CCSER1: variants seen among roughly 807,000 people sequenced by gnomAD.
CCSER1 encodes coiled-coil serine rich protein 1.
A neutral mutation model predicts 82.0 loss-of-function variants in CCSER1; 41 were observed. The observed-to-expected ratio is 0.50, with a 90% confidence interval of 0.39 to 0.65. The LOEUF (loss-of-function observed/expected upper bound fraction) is 0.65. CCSER1 is among the 30% of genes least tolerant of loss of function. The pLI, the probability that CCSER1 is intolerant of heterozygous loss-of-function variation, is 0.00. For missense variants in CCSER1, 1,119 were observed against 1,064.2 expected (o/e 1.05, Z -0.72); for synonymous variants, 414 against 383.9 (o/e 1.08, Z -0.92).
rs973059261 is a variant in CCSER1 at position 91,010,815 on chromosome 4, G to A, written c.2173-75135G>A. On this transcript the variant is annotated intron_variant, in intron 9 of 10. Coordinates refer to ENST00000509176, the MANE Select transcript of CCSER1 (RefSeq NM_001145065.2). ...AAATTTATCATTCAGATAATGAATT[G>A]TTTTCTGGATTTCATTAAATTGTTT... Among the ~76,000 whole-genome samples the A allele has an allele frequency of 3.7e-5, 5 of 133,632 alleles. 2 individuals are homozygous for A. Among genetic ancestry groups the A allele is most frequent in the Non-Finnish European group, 8.7e-5 (5 of 57,734 alleles). 87.7% of individuals were successfully genotyped at this position (133,632 alleles called of 152,430 possible). A position where few individuals can be genotyped will look rare whatever the true frequency, so the allele number is the denominator to read the frequency against.
At chr4:90,525,503 T>G (rs1773640464) in intron 5 of CCSER1, among the ~76,000 whole-genome samples, 1 of 152,268 alleles carries the variant, frequency 6.6e-6, no homozygotes, top group African/African-American at 2.4e-5. Context: ...AGTTAACAAA[T>G]TGTAAGTTGA....
chr4:90,689,974 C>A (rs1285675604), intron 6 of CCSER1, among the ~76,000 whole-genome samples: 2 of 152,052 alleles, frequency 1.3e-5, no homozygotes, highest in Non-Finnish European at 2.9e-5. Flanking sequence ...GGGCATTCCT[C>A]TGAAGGGTGA....
At chr4:91,218,486 C>G (rs970951644) in intron 10 of CCSER1, among the ~76,000 whole-genome samples, 3 of 152,162 alleles carry the variant, frequency 2.0e-5, no homozygotes, top group Non-Finnish European at 4.4e-5. Flanking sequence ...GGGGAGGTGC[C>G]GAGAGCAAGT....
intron 9 of CCSER1, among the ~76,000 whole-genome samples, chr4:90,997,466 CA>C (rs1268344835): frequency 6.6e-6 from 1 of 152,134 alleles, no homozygotes; most frequent in Non-Finnish European, 1.5e-5. Context: ...ATCACTTATG[CA>C]GAGTCCCTTT....
chr4:91,135,930 T>G (rs1164455131), intron 10 of CCSER1, among the ~76,000 whole-genome samples: 1 of 152,200 alleles, frequency 6.6e-6, no homozygotes, highest in Admixed American at 6.5e-5. Flanking sequence ...TATATGCAAA[T>G]AATTGAATGA....
In CCSER1 at chr4:90,932,966, G is replaced by GAAAGA. The variant is rs1554046104; in HGVS notation, c.2172+9522_2172+9526dup. ...AGAAAGAAAGAAAGAAAGAAAGAAA[G>GAAAGA]AAAGAAAGAAAGAAAGAGAAAGAAA... On this transcript the variant is annotated intron_variant, in intron 9 of 10. Transcript: ENST00000509176. Among the ~76,000 whole-genome samples the GAAAGA allele has an allele frequency of 8.8e-5, 3 of 34,216 alleles. 1 individual carries two copies. 22.4% of individuals were successfully genotyped at this position (34,216 alleles called of 152,430 possible). A position where few individuals can be genotyped will look rare whatever the true frequency, so the allele number is the denominator to read the frequency against.
chr4:91,061,441 G>C (rs1029874467), intron 9 of CCSER1, among the ~76,000 whole-genome samples: 1 of 151,918 alleles, frequency 6.6e-6, no homozygotes, highest in African/African-American at 2.4e-5. Flanking sequence ...TTTTTGTCTA[G>C]TCATTAGGCT....
At chr4:90,629,471 A>G (rs1001956957) in intron 6 of CCSER1, among the ~76,000 whole-genome samples, 3 of 152,172 alleles carry the variant, frequency 2.0e-5, no homozygotes, top group African/African-American at 4.8e-5. Flanking sequence ...GGAAACTCTT[A>G]TTTATGAAAC....
At chr4:90,731,108 A>G (rs1744641554) in intron 7 of CCSER1, among the ~76,000 whole-genome samples, 1 of 152,186 alleles carries the variant, frequency 6.6e-6, no homozygotes, top group Non-Finnish European at 1.5e-5. Flanking sequence ...AGTTGAGGGG[A>G]TAACAATTGA....
chr4:91,580,475 G>A (rs1560778354), intron 10 of CCSER1, among the ~76,000 whole-genome samples: 1 of 151,706 alleles, frequency 6.6e-6, no homozygotes, highest in African/African-American at 2.4e-5. Context: ...GCCAGATGTT[G>A]GAGTGTGATG....
At chr4:90,596,420 AG>A (rs562471951) in intron 5 of CCSER1, among the ~76,000 whole-genome samples, 299 of 152,040 alleles carry the variant, frequency 2.0e-3, no homozygotes, top group African/African-American at 7.0e-3. Flanking sequence ...TTTAAAGTAT[AG>A]GACATGTACT....
At chr4:91,524,545 T>C (rs1224727369) in intron 10 of CCSER1, among the ~76,000 whole-genome samples, 1 of 152,156 alleles carries the variant, frequency 6.6e-6, no homozygotes, top group African/African-American at 2.4e-5. Flanking sequence ...CTGGTGGTTA[T>C]CTCAATTTGA....
At chr4:91,563,642 G>T (rs1032644053) in intron 10 of CCSER1, among the ~76,000 whole-genome samples, 1 of 151,700 alleles carries the variant, frequency 6.6e-6, no homozygotes, top group African/African-American at 2.4e-5. Context: ...AGAGAAACAA[G>T]ACAAGAATGC....
At chr4:90,889,083 C>T (rs1184801998) in intron 8 of CCSER1, among the ~76,000 whole-genome samples, 1 of 152,058 alleles carries the variant, frequency 6.6e-6, no homozygotes, top group Non-Finnish European at 1.5e-5. Context: ...TCAAGATATA[C>T]AAAAAAGTTG....
chr4:90,622,658 G>A (rs1479986047), intron 5 of CCSER1, among the ~76,000 whole-genome samples: 1 of 152,018 alleles, frequency 6.6e-6, no homozygotes, highest in Non-Finnish European at 1.5e-5. Flanking sequence ...TCTTAATCCA[G>A]TCTATCGTTG....
At chr4:91,302,562 C>A (rs376187016) in intron 10 of CCSER1, among the ~76,000 whole-genome samples, 1 of 151,938 alleles carries the variant, frequency 6.6e-6, no homozygotes, top group Non-Finnish European at 1.5e-5. Context: ...ATCAGATAAG[C>A]CTTCTACATA....
chr4:90,932,982 G>GAAAGAAAGAAAGAGAA (rs771267852), intron 9 of CCSER1, among the ~76,000 whole-genome samples: 1 of 18,858 alleles, frequency 5.3e-5, no homozygotes, highest in Non-Finnish European at 9.4e-5. Context: ...AAGAAAGAAA[G>GAAAGAAAGAAAGAGAA]AGAAAGAAAG....
Position 90,730,758 on chromosome 4 carries a change from A to C in CCSER1, c.2010+6767A>C, listed in dbSNP as rs974554703. 2.6e-5 allele frequency among the ~76,000 whole-genome samples: 4 copies of C among 152,288 alleles called. No homozygotes were observed. The East Asian group carries it at 7.7e-4, about 29-fold the overall frequency. ...AAGGGAGAAAGCCACTCATGTTTTT[A>C]TGGGAAGAAACCTGAGAATAACAAC... is the stretch of plus-strand genomic sequence containing the variant. On this transcript the variant is annotated intron_variant, in intron 7 of 10. Transcript: ENST00000509176.
chr4:91,587,744 TGAAAGG>T (rs1462336143), intron 10 of CCSER1, among the ~76,000 whole-genome samples: 1 of 151,626 alleles, frequency 6.6e-6, no homozygotes, highest in Non-Finnish European at 1.5e-5. Context: ...TGCATGAAAA[TGAAAGG>T]TGATAGGTTC....
Sources: gnomAD v4.1 joint callset for allele counts (sites outside exome capture counted in the v4.1 genomes callset) on GRCh38, gnomAD v4.1.1 for gene constraint, MANE v1.5 for transcripts, NCBI Gene and HGNC (gene_info 2026-07-23, HGNC 2026-07-21) for gene names.